HDAC9: variants seen among roughly 807,000 people sequenced by gnomAD.
HDAC9 encodes MEF-2 interacting transcription repressor (MITR) protein.
HDAC9 carries 41 observed loss-of-function variants against 139.4 expected under a neutral mutation model. The ratio of observed to expected loss-of-function variants is 0.29; its 90% CI spans 0.23 to 0.38. HDAC9 has a LOEUF of 0.38. HDAC9 is among the 10% of genes least tolerant of loss of function. The probability of loss-of-function intolerance (pLI) is 1.00; values close to 1 mark genes in which losing one functional copy is unlikely to be tolerated. For missense variants in HDAC9, 1,147 were observed against 1,297.0 expected (o/e 0.88, Z 1.78); for synonymous variants, 517 against 476.2 (o/e 1.09, Z -1.12).
At chr7:18,385,872 T>A (rs1473113516) in intron 1 of HDAC9, among the ~76,000 whole-genome samples, 1 of 152,154 alleles carries the variant, frequency 6.6e-6, no homozygotes, top group East Asian at 1.9e-4. Flanking sequence ...GAGTGGACGA[T>A]ATTTAATTTC....
chr7:18,973,505 C>A (rs1352703853), intron 24 of HDAC9, among the ~76,000 whole-genome samples: 1 of 152,048 alleles, frequency 6.6e-6, no homozygotes, highest in East Asian at 1.9e-4. Context: ...GTAGCGGACA[C>A]CCATGTCAAC....
At chr7:18,840,866 G>T (rs1585134333) in intron 21 of HDAC9, among the ~76,000 whole-genome samples, 1 of 152,096 alleles carries the variant, frequency 6.6e-6, no homozygotes, top group Admixed American at 6.6e-5. Flanking sequence ...CTGATGCTGA[G>T]TCTTTAATAT....
intron 10 of HDAC9, 56 bp from the exon 11 acceptor site, chr7:18,648,400 GTGTGTGTGTA>G (rs1174811148): frequency 6.4e-6 from 8 of 1,258,830 alleles, no homozygotes; most frequent in East Asian, 2.4e-5. Context: ...TTAAAATTGT[GTGTGTGTGTA>G]TGTGTGTGTG....
intron 1 of HDAC9, among the ~76,000 whole-genome samples, chr7:18,465,690 C>G (rs543656382): frequency 1.3e-5 from 2 of 152,194 alleles, no homozygotes; most frequent in African/African-American, 2.4e-5. Context: ...TTTTTTGAGA[C>G]TAAAGTCTGT....
chr7:18,699,897 A>AT (rs1158502352), intron 12 of HDAC9, among the ~76,000 whole-genome samples: 3 of 152,062 alleles, frequency 2.0e-5, no homozygotes, highest in South Asian at 2.1e-4. Context: ...AAATATGTAT[A>AT]TTTTTTAAAA....
Position 18,825,892 on chromosome 7 carries a change from A to G in HDAC9, c.2323-3269A>G, listed in dbSNP as rs558687225. On this transcript the variant is annotated intron_variant, in intron 17 of 25. Coordinates refer to ENST00000686413, the MANE Select transcript of HDAC9 (RefSeq NM_178425.4). ...TATGTAATTTATATTTATATAATAT[A>G]TATAATGTTATATTTATATAATATA... 2.0e-3 allele frequency among the ~76,000 whole-genome samples: 296 copies of G among 148,228 alleles called. 1 individual carries two copies. Among genetic ancestry groups the G allele is most frequent in the African/African-American group, 6.6e-3 (270 of 40,926 alleles).
intron 1 of HDAC9, among the ~76,000 whole-genome samples, chr7:18,315,980 G>A (rs548462330): frequency 1.1e-4 from 16 of 152,284 alleles, no homozygotes; most frequent in South Asian, 8.3e-4. Context: ...CCTTAAAATG[G>A]TAATGATAAA....
intron 2 of HDAC9, among the ~76,000 whole-genome samples, chr7:18,584,420 G>A (rs1004953558): frequency 2.6e-5 from 4 of 151,904 alleles, no homozygotes; most frequent in Non-Finnish European, 5.9e-5. Context: ...GAGCCACCGC[G>A]CCGGGCCCTG....
chr7:18,441,867 A>C (rs1023889967), intron 1 of HDAC9, among the ~76,000 whole-genome samples: 1 of 152,118 alleles, frequency 6.6e-6, no homozygotes, highest in Non-Finnish European at 1.5e-5. Flanking sequence ...TCCCGGGTTC[A>C]CGCCATTCTC....
At chr7:18,185,113 C>CA (rs1789799969) in intron 2 of HDAC9, among the ~76,000 whole-genome samples, 1 of 152,152 alleles carries the variant, frequency 6.6e-6, no homozygotes, top group African/African-American at 2.4e-5. Flanking sequence ...GACTGGCTTT[C>CA]AAAGCAAGTG....
chr7:18,552,346 A>G (rs1188750219), intron 2 of HDAC9, among the ~76,000 whole-genome samples: 1 of 151,910 alleles, frequency 6.6e-6, no homozygotes, highest in African/African-American at 2.4e-5. Flanking sequence ...GTGTGTATTT[A>G]TATTGTCTTT....
chr7:18,179,703 G>A (rs938651208), intron 2 of HDAC9, among the ~76,000 whole-genome samples: 2 of 152,150 alleles, frequency 1.3e-5, no homozygotes, highest in African/African-American at 4.8e-5. Context: ...GAAGTTCTTA[G>A]TAAAAGCCCA....
chr7:18,558,065 TA>T (rs1819428531), intron 2 of HDAC9, among the ~76,000 whole-genome samples: 2 of 152,124 alleles, frequency 1.3e-5, no homozygotes, highest in South Asian at 4.1e-4. Flanking sequence ...ATTTTCATTT[TA>T]AAAAGGGCCC....
intron 13 of HDAC9, among the ~76,000 whole-genome samples, chr7:18,739,089 G>T (rs1490174690): frequency 6.6e-6 from 1 of 152,082 alleles, no homozygotes; most frequent in Non-Finnish European, 1.5e-5. Flanking sequence ...TGAAATTCTT[G>T]TGCCATGGTT....
rs886531975 is a variant in HDAC9 at position 18,373,591 on chromosome 7, G to A, written c.-42+83076G>A. On this transcript the variant is annotated intron_variant, in intron 1 of 3. Coordinates refer to the HDAC9 transcript ENST00000413509. ...TTGAAAACATTTTTCTACTTTAATG[G>A]GATTTCATAATAGGTTAGAGATTCC... 2.0e-5 allele frequency among the ~76,000 whole-genome samples: 3 copies of A among 152,004 alleles called. No individual in the cohort carries two copies. The South Asian group carries it at 6.2e-4, about 31-fold the overall frequency.
At chr7:18,411,207 A>G (rs185775354) in intron 1 of HDAC9, among the ~76,000 whole-genome samples, 2 of 152,290 alleles carry the variant, frequency 1.3e-5, no homozygotes, top group Admixed American at 1.3e-4. Context: ...CTGGAGACCT[A>G]CTTTCTATAT....
intron 1 of HDAC9, among the ~76,000 whole-genome samples, chr7:18,105,673 A>G (rs1013641281): frequency 6.6e-6 from 1 of 151,776 alleles, no homozygotes; most frequent in Non-Finnish European, 1.5e-5. Flanking sequence ...GCCACTTCAG[A>G]AAACAATTTT....
intron 1 of HDAC9, among the ~76,000 whole-genome samples, chr7:18,302,684 T>A (rs56398383): frequency 0.19 from 28,798 of 152,046 alleles, 2,806 homozygotes; most frequent in Middle Eastern, 0.21. Context: ...AAATGTCTAG[T>A]CTGTAAGGCA....
intron 22 of HDAC9, among the ~76,000 whole-genome samples, chr7:18,887,586 A>C (rs1217647396): frequency 6.6e-6 from 1 of 152,206 alleles, no homozygotes; most frequent in Non-Finnish European, 1.5e-5. Flanking sequence ...CACTCTACAT[A>C]TAATAACGTA....
Sources: gnomAD v4.1 joint callset for allele counts (sites outside exome capture counted in the v4.1 genomes callset) on GRCh38, gnomAD v4.1.1 for gene constraint, MANE v1.5 for transcripts, NCBI Gene and HGNC (gene_info 2026-07-23, HGNC 2026-07-21) for gene names.